THRB: variants seen among roughly 807,000 people sequenced by gnomAD.
THRB encodes the protein thyroid hormone receptor beta.
Under a neutral mutation model 47.8 loss-of-function variants are expected in THRB, and 12 were observed. The ratio of observed to expected loss-of-function variants is 0.25; its 90% CI spans 0.16 to 0.41. The LOEUF (loss-of-function observed/expected upper bound fraction) is 0.41, where lower values mean the gene tolerates loss of function less well. Ranked by LOEUF, THRB falls within the 10% of genes least tolerant of loss-of-function variation. THRB has a pLI of 1.00. For synonymous variants in THRB, 218 were observed against 212.2 expected, an observed-to-expected ratio of 1.03 and a Z score of -0.24; for missense variants, 348 against 589.2, an observed-to-expected ratio of 0.59 and a Z score of 4.24.
At chr3:24,233,949 C>T (rs566725039) in intron 3 of THRB, among the ~76,000 whole-genome samples, 25 of 152,294 alleles carry the variant, frequency 1.6e-4, no homozygotes, top group South Asian at 8.3e-4. Context: ...AACACAGTCT[C>T]CTTACCTTGC....
chr3:24,399,642 T>C (rs1357980018), intron 1 of THRB, among the ~76,000 whole-genome samples: 1 of 152,122 alleles, frequency 6.6e-6, no homozygotes, highest in Non-Finnish European at 1.5e-5. Context: ...CTAGCTAGTT[T>C]AGCTTCTCTT....
chr3:24,189,483 TAAATC>T (rs1402349991), intron 5 of THRB, among the ~76,000 whole-genome samples: 2 of 151,978 alleles, frequency 1.3e-5, no homozygotes, highest in Non-Finnish European at 2.9e-5. Context: ...AAAGAACAGT[TAAATC>T]TAATGCAATC....
chr3:24,166,094 G>A (rs1433283339), intron 5 of THRB, among the ~76,000 whole-genome samples: 1 of 152,156 alleles, frequency 6.6e-6, no homozygotes, highest in Non-Finnish European at 1.5e-5. Flanking sequence ...TTTAAAACAT[G>A]CCAAGGAAGT....
rs2035740368 is a variant in THRB at position 24,143,725 on chromosome 3, T to C, written c.533-19A>G. 2 of 1,613,604 alleles carry C rather than the reference T, an allele frequency of 1.2e-6. No homozygotes were observed. Among genetic ancestry groups the C allele is most frequent in the Non-Finnish European group, 1.7e-6 (2 of 1,179,606 alleles). The stretch of plus-strand genomic sequence containing the variant: ...AGCACCACTGGGAGGGGGAGAAAGA[T>C]GAGACAAGGCACACAGATGCTCCCA... On this transcript the variant is annotated intron_variant, in intron 7 of 10. Coordinates refer to ENST00000646209, the MANE Select transcript of THRB (RefSeq NM_001354712.2).
chr3:24,279,001 C>T (rs1487065097), intron 3 of THRB, among the ~76,000 whole-genome samples: 4 of 152,110 alleles, frequency 2.6e-5, no homozygotes, highest in Admixed American at 6.6e-5. Context: ...CATACTACCA[C>T]GTCCAGCTAG....
intron 1 of THRB, among the ~76,000 whole-genome samples, chr3:24,375,357 A>G (rs1228001215): frequency 7.1e-6 from 1 of 140,846 alleles, no homozygotes; most frequent in East Asian, 2.2e-4. Flanking sequence ...ATATAATATT[A>G]ATATATTATA....
chr3:24,332,172 T>C (rs1004939866), intron 2 of THRB, among the ~76,000 whole-genome samples: 5 of 152,192 alleles, frequency 3.3e-5, no homozygotes, highest in Non-Finnish European at 7.4e-5. Context: ...ACACAGCTAG[T>C]AATGGGTGCC....
At chr3:24,461,580 C>T (rs1028489924) in intron 1 of THRB, among the ~76,000 whole-genome samples, 7 of 152,184 alleles carry the variant, frequency 4.6e-5, no homozygotes, top group Admixed American at 2.0e-4. Flanking sequence ...ATTAATCCAT[C>T]GTTGACCAAG....
At chr3:24,259,054 G>A (rs910629431) in intron 3 of THRB, among the ~76,000 whole-genome samples, 20 of 152,166 alleles carry the variant, frequency 1.3e-4, no homozygotes, top group African/African-American at 4.6e-4. Flanking sequence ...TGCTTCCTTC[G>A]TGCCCCCACT....
intron 1 of THRB, among the ~76,000 whole-genome samples, chr3:24,374,120 G>A (rs1284422849): frequency 6.6e-6 from 1 of 152,028 alleles, no homozygotes; most frequent in Non-Finnish European, 1.5e-5. Flanking sequence ...AAAGAAAAAT[G>A]TCTTAAGTAG....
At chr3:24,361,321 C>T (rs541789976) in intron 1 of THRB, among the ~76,000 whole-genome samples, 1 of 152,222 alleles carries the variant, frequency 6.6e-6, no homozygotes, top group African/African-American at 2.4e-5. Flanking sequence ...CATTGCATAA[C>T]CATCTAGCTT....
At chr3:24,290,440 G>A (rs2055805891) in intron 3 of THRB, among the ~76,000 whole-genome samples, 1 of 152,136 alleles carries the variant, frequency 6.6e-6, no homozygotes, top group South Asian at 2.1e-4. Context: ...TCTCCAGTGA[G>A]CATCATATCC....
chr3:24,340,690 A>T (rs1446436900), intron 1 of THRB, among the ~76,000 whole-genome samples: 1 of 152,228 alleles, frequency 6.6e-6, no homozygotes, highest in African/African-American at 2.4e-5. Flanking sequence ...AGAATTGGCC[A>T]TTCAATGGGA....
chr3:24,172,007 T>G (rs904157538), intron 5 of THRB, among the ~76,000 whole-genome samples: 3 of 151,920 alleles, frequency 2.0e-5, no homozygotes, highest in African/African-American at 7.3e-5. Flanking sequence ...ATCAAATGAG[T>G]TTGGGAAATG....
intron 1 of THRB, among the ~76,000 whole-genome samples, chr3:24,490,347 G>C (rs950683204): frequency 2.6e-5 from 4 of 152,190 alleles, no homozygotes; most frequent in African/African-American, 9.7e-5. Flanking sequence ...CTGGACATAT[G>C]ATGCAATGCA....
chr3:24,285,700 A>G (rs1367543729), intron 3 of THRB, among the ~76,000 whole-genome samples: 2 of 152,148 alleles, frequency 1.3e-5, no homozygotes, highest in Admixed American at 1.3e-4. Context: ...ATTTAACTAA[A>G]ATGCCCAAGA....
chr3:24,275,738 G>A (rs1405811267), intron 3 of THRB, among the ~76,000 whole-genome samples: 1 of 152,154 alleles, frequency 6.6e-6, no homozygotes, highest in African/African-American at 2.4e-5. Flanking sequence ...CTGACTGACA[G>A]GAGACAGTGA....
chr3:24,282,648 TG>T (rs1487614297), intron 3 of THRB, among the ~76,000 whole-genome samples: 1 of 144,466 alleles, frequency 6.9e-6, no homozygotes, highest in African/African-American at 2.8e-5. Context: ...ATCCAGGAGC[TG>T]GTTTTTTGAA....
intron 1 of THRB, among the ~76,000 whole-genome samples, chr3:24,365,272 T>A (rs1351031228): frequency 1.3e-5 from 2 of 151,778 alleles, no homozygotes; most frequent in African/African-American, 2.4e-5. Context: ...AGCTTGGGAG[T>A]GTGCAGGAAC....
Sources: allele counts gnomAD v4.1 joint callset (sites outside exome capture counted in the v4.1 genomes callset), GRCh38; gene constraint gnomAD v4.1.1; transcripts MANE v1.5; gene names NCBI Gene and HGNC (gene_info 2026-07-23, HGNC 2026-07-21).